CORIN: variants seen among roughly 807,000 people sequenced by gnomAD.
The protein encoded by CORIN is corin, serine peptidase.
CORIN carries 117 observed loss-of-function variants against 125.3 expected under a neutral mutation model. The ratio of observed to expected loss-of-function variants is 0.93; its 90% CI spans 0.80 to 1.09. The LOEUF is 1.09. Among genes scored for constraint, CORIN ranks in the 50% least tolerant of loss-of-function variants. The pLI, the probability that CORIN is intolerant of heterozygous loss-of-function variation, is 0.00. For missense variants in CORIN, 1,253 were observed against 1,306.7 expected (o/e 0.96, Z 0.63); for synonymous variants, 450 against 466.4 (o/e 0.96, Z 0.45).
intron 1 of CORIN, among the ~76,000 whole-genome samples, chr4:47,833,940 T>C (rs890536037): frequency 3.3e-5 from 5 of 152,210 alleles, no homozygotes; most frequent in African/African-American, 9.7e-5. Context: ...CTCTTGTATA[T>C]GGTTCATGGG....
intron 7 of CORIN, chr4:47,683,050 T>C (rs1414824906): frequency 1.3e-5 from 2 of 152,224 alleles, no homozygotes; most frequent in Admixed American, 6.5e-5. Context: ...AGTTTGCCCT[T>C]TTGTTCATGT....
chr4:47,644,962 T>G (rs1723401075), intron 14 of CORIN, 119 bp downstream of exon 14: 1 of 572,236 alleles, frequency 1.7e-6, no homozygotes, highest in African/African-American at 1.9e-5. Flanking sequence ...GATCAAAAGA[T>G]GTGAAAATAC....
intron 5 of CORIN, among the ~76,000 whole-genome samples, chr4:47,736,082 G>A (rs540634205): frequency 6.6e-5 from 10 of 151,244 alleles, no homozygotes; most frequent in African/African-American, 1.2e-4. Context: ...CTTAAATCCC[G>A]TATCAATGGG....
rs138719389 is a variant in CORIN, at chr4:47,785,123, T to C, written c.409+1602A>G. Among the ~76,000 whole-genome samples, 280 of 152,330 alleles carry C rather than the reference T, an allele frequency of 1.8e-3. 2 individuals carry two copies. The highest frequency in any genetic ancestry group is 6.1e-3 in the African/African-American group (254 of 41,586). ...GAAACACACAAGAAAATGATCATGG[T>C]TGGATGGGCTTTGTGTAATTTTCAA... is the stretch of plus-strand genomic sequence containing the variant. On this transcript the variant is annotated intron_variant, in intron 3 of 21. Transcript: ENST00000273857.
intron 13 of CORIN, among the ~76,000 whole-genome samples, chr4:47,650,151 T>C (rs1261895206): frequency 2.6e-5 from 4 of 152,206 alleles, no homozygotes; most frequent in Non-Finnish European, 5.9e-5. Context: ...AGGTTATATT[T>C]AAAGGTTTTA....
chr4:47,708,093 C>T (rs766308030), intron 5 of CORIN, among the ~76,000 whole-genome samples: 1 of 152,138 alleles, frequency 6.6e-6, no homozygotes, highest in Non-Finnish European at 1.5e-5. Flanking sequence ...AGTTTGACTC[C>T]AGAGTTCATG....
At chr4:47,642,129 T>G in intron 15 of CORIN, 80 bp from the exon 16 acceptor site, 1 of 1,403,982 alleles carries the variant, frequency 7.1e-7, no homozygotes, top group Non-Finnish European at 9.8e-7. Flanking sequence ...ATGCCTCTGC[T>G]TCATTGGCAT....
intron 17 of CORIN, among the ~76,000 whole-genome samples, chr4:47,624,569 C>T (rs7660319): frequency 0.27 from 40,923 of 151,996 alleles, 5,654 homozygotes; most frequent in Admixed American, 0.35. Context: ...CTTAAATTTG[C>T]TTCATATAAC....
chr4:47,826,530 T>C (rs1732749957), intron 1 of CORIN, among the ~76,000 whole-genome samples: 1 of 152,214 alleles, frequency 6.6e-6, no homozygotes, highest in South Asian at 2.1e-4. Context: ...CCCTGGCTTG[T>C]GGCCCCTTCC....
intron 10 of CORIN, 58 bp downstream of exon 10, chr4:47,674,335 A>G: frequency 8.4e-7 from 1 of 1,186,564 alleles, no homozygotes; most frequent in Non-Finnish European, 1.3e-6. Context: ...AATGCAGAAG[A>G]AAAATGCTGA....
At chr4:47,825,934 C>T (rs185346075) in intron 1 of CORIN, among the ~76,000 whole-genome samples, 1 of 152,170 alleles carries the variant, frequency 6.6e-6, no homozygotes, top group Admixed American at 6.5e-5. Flanking sequence ...GAACTCCTGA[C>T]CTCAGCAATC....
At chr4:47,751,726 T>C (rs1389458868) in intron 4 of CORIN, among the ~76,000 whole-genome samples, 1 of 152,218 alleles carries the variant, frequency 6.6e-6, no homozygotes, top group Non-Finnish European at 1.5e-5. Flanking sequence ...AATTTAATTG[T>C]GTTTATGTCT....
At chr4:47,712,735 A>T (rs1444076267) in intron 5 of CORIN, among the ~76,000 whole-genome samples, 2 of 152,246 alleles carry the variant, frequency 1.3e-5, no homozygotes, top group African/African-American at 4.8e-5. Flanking sequence ...GTCTTTTCAA[A>T]ACAAACTGCA....
chr4:47,787,100 C>A (rs1730852176), intron 2 of CORIN, among the ~76,000 whole-genome samples, 175 bp from the exon 3 acceptor site: 1 of 152,158 alleles, frequency 6.6e-6, no homozygotes, highest in Admixed American at 6.5e-5. Flanking sequence ...GGGTCAACAA[C>A]CACAAAACCA....
intron 5 of CORIN, among the ~76,000 whole-genome samples, chr4:47,706,105 T>C (rs371916247): frequency 3.9e-5 from 6 of 152,362 alleles, no homozygotes; most frequent in African/African-American, 1.4e-4. Context: ...TATACATTTT[T>C]ACTACTAATT....
intron 19 of CORIN, among the ~76,000 whole-genome samples, chr4:47,615,627 T>G (rs964890109): frequency 6.6e-6 from 1 of 152,124 alleles, no homozygotes; most frequent in Non-Finnish European, 1.5e-5. Context: ...AGGCAGACAT[T>G]AGGGTCCTGC....
intron 4 of CORIN, among the ~76,000 whole-genome samples, chr4:47,758,608 T>C (rs1729303035): frequency 6.6e-6 from 1 of 152,198 alleles, no homozygotes; most frequent in South Asian, 2.1e-4. Context: ...TTTAGCTGTG[T>C]CCCCACCCAA....
intron 5 of CORIN, among the ~76,000 whole-genome samples, chr4:47,740,347 A>G (rs899770681): frequency 6.6e-6 from 1 of 151,508 alleles, no homozygotes; most frequent in African/African-American, 2.4e-5. Context: ...TCTTCTACCT[A>G]GTTCTACTCA....
At chr4:47,634,009 C>T (rs1722933394) in intron 16 of CORIN, among the ~76,000 whole-genome samples, 1 of 151,954 alleles carries the variant, frequency 6.6e-6, no homozygotes, top group Non-Finnish European at 1.5e-5. Flanking sequence ...AAAAATTAAA[C>T]AAATATTGAA....
Sources: allele counts gnomAD v4.1 joint callset (sites outside exome capture counted in the v4.1 genomes callset), GRCh38; gene constraint gnomAD v4.1.1; transcripts MANE v1.5; gene names NCBI Gene and HGNC (gene_info 2026-07-23, HGNC 2026-07-21).